Variants in RAB9B observed in about 807,000 individuals in gnomAD.
RAB9B encodes the protein ras-related protein Rab-9B.
RAB9B carries 1 observed loss-of-function variant against 8.9 expected under a neutral mutation model. That is an observed-to-expected ratio of 0.11 (90% CI 0.04 to 0.53). The LOEUF (loss-of-function observed/expected upper bound fraction) is 0.53, where lower values mean the gene tolerates loss of function less well. Among genes scored for constraint, RAB9B ranks in the 20% least tolerant of loss-of-function variants. RAB9B has a pLI of 0.93. For synonymous variants in RAB9B, 63 were observed against 57.0 expected, an observed-to-expected ratio of 1.10 and a Z score of -0.47; for missense variants, 82 against 152.9, an observed-to-expected ratio of 0.54 and a Z score of 2.45.
chrX:103,788,285 TAAACC>T, the RAB9B span: 5 of 556,967 alleles, frequency 9.0e-6, no homozygotes, highest in Admixed American at 4.8e-5. Flanking sequence ...CTCTTTTTTG[TAAACC>T]TGTAGAAAAG....
the RAB9B span, chrX:103,787,875 C>T: frequency 2.5e-6 from 3 of 1,207,392 alleles, no homozygotes; most frequent in East Asian, 5.9e-5. Context: ...TGTACATTTA[C>T]TTCAACACCT....
chrX:103,798,884 C>T, the RAB9B span, among the ~76,000 whole-genome samples: 1 of 108,729 alleles, frequency 9.2e-6, no homozygotes, highest in African/African-American at 3.3e-5. Flanking sequence ...TCGTGATTTG[C>T]CCGCCTCAGC....
chrX:103,813,771 A>AAAG, the RAB9B span, among the ~76,000 whole-genome samples: 1 of 104,355 alleles, frequency 9.6e-6, no homozygotes, highest in African/African-American at 3.5e-5. Flanking sequence ...AAAAAAAAAA[A>AAAG]GCAGGAGTGG....
At chrX:103,787,806 C>T in the RAB9B span, 2 of 1,208,747 alleles carry the variant, frequency 1.7e-6, no homozygotes, top group Non-Finnish European at 2.2e-6. Flanking sequence ...AGTTTGTGGG[C>T]ATCACCTATG....
chrX:103,782,407 G>T, the RAB9B span, among the ~76,000 whole-genome samples: 931 of 111,888 alleles, frequency 8.3e-3, 10 homozygotes, highest in African/African-American at 0.029. Flanking sequence ...GAGGAAAAAT[G>T]GATGTAAAAA....
chrX:103,830,608 C>CT (rs917044650), intron 1 of RAB9B, among the ~76,000 whole-genome samples: 36 of 108,786 alleles, frequency 3.3e-4, no homozygotes, highest in East Asian at 2.0e-3. Flanking sequence ...AGTTTACTAA[C>CT]TTTTTTTTTT....
the RAB9B span, among the ~76,000 whole-genome samples, chrX:103,795,876 C>T: frequency 9.0e-6 from 1 of 111,417 alleles, no homozygotes; most frequent in Non-Finnish European, 1.9e-5. Flanking sequence ...ATCAGCTTTC[C>T]TAAAAAAAAA....
At chrX:103,786,497 C>T in the RAB9B span, 1 of 1,208,964 alleles carries the variant, frequency 8.3e-7, no homozygotes, top group East Asian at 3.0e-5. Flanking sequence ...ATCTATGGAA[C>T]TGCCTCTTTC....
chrX:103,795,899 C>A, the RAB9B span, among the ~76,000 whole-genome samples: 1 of 111,870 alleles, frequency 8.9e-6, no homozygotes, highest in East Asian at 2.8e-4. Flanking sequence ...TTGTCATTTT[C>A]AGTAGATGTT....
At chrX:103,813,414 A>G in the RAB9B span, among the ~76,000 whole-genome samples, 9 of 109,389 alleles carry the variant, frequency 8.2e-5, no homozygotes, top group African/African-American at 3.0e-4. Context: ...TCTATTAAAT[A>G]CTGCAATCTG....
the RAB9B span, chrX:103,777,014 CT>C: frequency 1.7e-6 from 2 of 1,191,280 alleles, no homozygotes; most frequent in South Asian, 1.8e-5. Context: ...GTTTCAAAAA[CT>C]TTAGCATTGA....
the RAB9B span, among the ~76,000 whole-genome samples, chrX:103,814,745 A>G: frequency 3.6e-5 from 4 of 112,128 alleles, no homozygotes; most frequent in Non-Finnish European, 7.5e-5. Context: ...ATAAAAAATG[A>G]TAAATGGGAT....
chrX:103,780,861 G>A, the RAB9B span: 1 of 114,703 alleles, frequency 8.7e-6, no homozygotes, highest in Non-Finnish European at 1.8e-5. Flanking sequence ...CTAGCATTTC[G>A]GCCTTGTCAA....
At chrX:103,786,862 C>A in the RAB9B span, 1 of 674,821 alleles carries the variant, frequency 1.5e-6, no homozygotes, top group Non-Finnish European at 2.4e-6. Context: ...TGGCTGCAGC[C>A]GAACGAGAAG....
At chrX:103,789,706 G>A in the RAB9B span, among the ~76,000 whole-genome samples, 9 of 111,609 alleles carry the variant, frequency 8.1e-5, no homozygotes, top group East Asian at 2.0e-3. Flanking sequence ...CATAAATTAC[G>A]GTTAATTCTC....
chrX:103,800,523 A>G, the RAB9B span, among the ~76,000 whole-genome samples: 1 of 111,173 alleles, frequency 9.0e-6, no homozygotes, highest in Non-Finnish European at 1.9e-5. Flanking sequence ...TTCTTCCCTC[A>G]CCCTCATTTC....
intron 1 of RAB9B, among the ~76,000 whole-genome samples, chrX:103,829,527 C>T (rs1346016619): frequency 8.9e-6 from 1 of 112,086 alleles, no homozygotes; most frequent in African/African-American, 3.2e-5. Context: ...CATTTTGGCC[C>T]ACAATTTCTC....
chrX:103,804,305 A>G, the RAB9B span, among the ~76,000 whole-genome samples: 6 of 112,395 alleles, frequency 5.3e-5, no homozygotes, highest in Admixed American at 4.7e-4. Flanking sequence ...TAGATTCATC[A>G]TAAATGTAAG....
chrX:103,814,210 A>G, the RAB9B span, among the ~76,000 whole-genome samples: 3 of 111,981 alleles, frequency 2.7e-5, no homozygotes, highest in Non-Finnish European at 3.8e-5. Flanking sequence ...TAGCAAATGT[A>G]AAAGAACAGA....
Sources: gnomAD v4.1 joint callset for allele counts (sites outside exome capture counted in the v4.1 genomes callset) on GRCh38, gnomAD v4.1.1 for gene constraint, MANE v1.5 for transcripts, NCBI Gene and HGNC (gene_info 2026-07-23, HGNC 2026-07-21) for gene names.